Variants in MGAT5 observed in about 807,000 individuals in gnomAD.
MGAT5 encodes alpha-1,6-mannosylglycoprotein 6-beta-N-acetylglucosaminyltransferase A.
In MGAT5, 30 loss-of-function variants were observed where a neutral mutation model predicts 94.3. The observed-to-expected ratio is 0.32, with a 90% confidence interval of 0.24 to 0.43. The LOEUF is 0.43. MGAT5 is among the 20% of genes least tolerant of loss of function. MGAT5 has a pLI of 1.00. For synonymous variants in MGAT5, 310 were observed against 322.9 expected, an observed-to-expected ratio of 0.96 and a Z score of 0.43; for missense variants, 691 against 905.5, an observed-to-expected ratio of 0.76 and a Z score of 3.04.
At chr2:134,388,237 A>G (rs985189541) in intron 10 of MGAT5, among the ~76,000 whole-genome samples, 7 of 152,178 alleles carry the variant, frequency 4.6e-5, no homozygotes, top group Non-Finnish European at 8.8e-5. Flanking sequence ...TTGCCACGAA[A>G]CATTTCTAAT....
At chr2:134,447,177 T>G (rs1313541719) in intron 15 of MGAT5, among the ~76,000 whole-genome samples, 3 of 152,168 alleles carry the variant, frequency 2.0e-5, no homozygotes, top group Non-Finnish European at 4.4e-5. Context: ...TGGAAGCTTC[T>G]CAGAGGCAAC....
At chr2:134,269,322 C>T (rs1242940327) in intron 1 of MGAT5, among the ~76,000 whole-genome samples, 4 of 152,128 alleles carry the variant, frequency 2.6e-5, no homozygotes, top group Admixed American at 6.5e-5. Flanking sequence ...GCCAGATTAC[C>T]GCATCTGCTC....
intron 1 of MGAT5, among the ~76,000 whole-genome samples, chr2:134,214,960 G>C (rs910394109): frequency 6.6e-6 from 1 of 152,122 alleles, no homozygotes; most frequent in African/African-American, 2.4e-5. Context: ...CTCTCTTCCA[G>C]CTTCTACCTC....
chr2:134,384,820 A>C (rs1681869889), intron 10 of MGAT5, among the ~76,000 whole-genome samples: 2 of 152,276 alleles, frequency 1.3e-5, no homozygotes, highest in African/African-American at 4.8e-5. Flanking sequence ...AAAATGGTAG[A>C]GTGAAAACAT....
chr2:134,120,737 G>T (rs112799392), intron 1 of MGAT5, among the ~76,000 whole-genome samples: 2 of 151,944 alleles, frequency 1.3e-5, no homozygotes, highest in East Asian at 2.0e-4. Context: ...GCCGGGCCGG[G>T]GTCCTCGGGA....
intron 4 of MGAT5, among the ~76,000 whole-genome samples, chr2:134,330,537 G>C (rs1687898971): frequency 7.1e-6 from 1 of 141,640 alleles, no homozygotes; most frequent in South Asian, 2.2e-4. Flanking sequence ...AAGGCCCTAT[G>C]GGGAATTAAA....
chr2:134,418,907 C>T (rs973367916), intron 12 of MGAT5, among the ~76,000 whole-genome samples: 4 of 152,210 alleles, frequency 2.6e-5, no homozygotes, highest in Non-Finnish European at 5.9e-5. Flanking sequence ...ATCTCATGTC[C>T]AGGTGGGTTA....
At chr2:134,179,008 A>G (rs1382992791) in intron 1 of MGAT5, among the ~76,000 whole-genome samples, 1 of 152,214 alleles carries the variant, frequency 6.6e-6, no homozygotes, top group East Asian at 1.9e-4. Context: ...CCTGAAATCA[A>G]TACTCTGCAC....
At chr2:134,161,772 A>T (rs1316327656) in intron 1 of MGAT5, among the ~76,000 whole-genome samples, 2 of 151,914 alleles carry the variant, frequency 1.3e-5, no homozygotes, top group Non-Finnish European at 2.9e-5. Flanking sequence ...AGTTTCATAG[A>T]TTTATTTTTT....
intron 1 of MGAT5, among the ~76,000 whole-genome samples, chr2:134,238,867 C>A (rs977549018): frequency 2.0e-5 from 3 of 152,106 alleles, no homozygotes; most frequent in Non-Finnish European, 4.4e-5. Flanking sequence ...CGCTGGAACC[C>A]AGGAGGTGGA....
intron 1 of MGAT5, among the ~76,000 whole-genome samples, chr2:134,265,079 G>A (rs374769832): frequency 7.9e-5 from 12 of 152,306 alleles, no homozygotes; most frequent in African/African-American, 2.4e-4. Context: ...GTAACTGACT[G>A]CACAAAGTGA....
chr2:134,265,593 C>T (rs536125439), intron 1 of MGAT5, among the ~76,000 whole-genome samples: 94 of 152,242 alleles, frequency 6.2e-4, no homozygotes, highest in Non-Finnish European at 1.2e-3. Flanking sequence ...ACTTTGATCT[C>T]GTCTTCATCA....
At chr2:134,282,413 T>A (rs1033181473) in intron 2 of MGAT5, among the ~76,000 whole-genome samples, 2 of 152,196 alleles carry the variant, frequency 1.3e-5, no homozygotes, top group Non-Finnish European at 2.9e-5. Context: ...TATAACTGAA[T>A]AATAGTGCTG....
At chr2:134,290,727 G>C (rs1402258734) in intron 2 of MGAT5, among the ~76,000 whole-genome samples, 1 of 152,184 alleles carries the variant, frequency 6.6e-6, no homozygotes, top group East Asian at 1.9e-4. Flanking sequence ...TCTCTATCTG[G>C]TGTCTGCTAT....
At chr2:134,261,160 C>T (rs573966502) in intron 1 of MGAT5, among the ~76,000 whole-genome samples, 1 of 152,260 alleles carries the variant, frequency 6.6e-6, no homozygotes, top group Admixed American at 6.5e-5. Context: ...CATGCAGCAC[C>T]ACTACTTCAA....
chr2:134,296,846 T>C (rs1685704448), intron 2 of MGAT5, among the ~76,000 whole-genome samples: 1 of 152,164 alleles, frequency 6.6e-6, no homozygotes, highest in Admixed American at 6.6e-5. Context: ...GTTCATACTA[T>C]GAAATGACAC....
chr2:134,419,179 T>G (rs896613834), intron 12 of MGAT5, among the ~76,000 whole-genome samples: 2 of 152,364 alleles, frequency 1.3e-5, no homozygotes, highest in East Asian at 3.9e-4. Flanking sequence ...CATGTCTCTT[T>G]GCCTTCAGTT....
chr2:134,258,973 A>G (rs2105545518), intron 1 of MGAT5, among the ~76,000 whole-genome samples: 1 of 152,348 alleles, frequency 6.6e-6, no homozygotes, highest in African/African-American at 2.4e-5. Context: ...GTACTCAAAC[A>G]ATAATAGAAC....
chr2:134,314,323 G>T (rs1686872269), intron 2 of MGAT5, among the ~76,000 whole-genome samples: 1 of 152,232 alleles, frequency 6.6e-6, no homozygotes, highest in Non-Finnish European at 1.5e-5. Flanking sequence ...TTGCAGAGGA[G>T]ACTGTCGAAT....
Sources: allele counts gnomAD v4.1 joint callset (sites outside exome capture counted in the v4.1 genomes callset), GRCh38; gene constraint gnomAD v4.1.1; transcripts MANE v1.5; gene names NCBI Gene and HGNC (gene_info 2026-07-23, HGNC 2026-07-21).